The following MORN4 variants were observed in gnomAD, a reference collection of about 807,000 sequenced individuals.
MORN4 encodes the protein MORN repeat-containing protein 4.
In MORN4, 8 loss-of-function variants were observed where a neutral mutation model predicts 16.4. The ratio of observed to expected loss-of-function variants is 0.49; its 90% confidence interval spans 0.29 to 0.88. MORN4 has a LOEUF of 0.88. Ranked by LOEUF, MORN4 falls within the 40% of genes least tolerant of loss-of-function variation. MORN4 has a pLI of 0.09. For missense variants in MORN4, 159 were observed against 182.9 expected (o/e 0.87, Z 0.75); for synonymous variants, 53 against 68.9 (o/e 0.77, Z 1.14).
At chr10:97,624,368 G>A (rs1046425362) in intron 1 of MORN4, among the ~76,000 whole-genome samples, 4 of 152,090 alleles carry the variant, frequency 2.6e-5, no homozygotes, top group Admixed American at 6.6e-5. Context: ...CTTTATAACA[G>A]AAGCTAACAT....
Position 97,615,205 on chromosome 10 carries a change from T to C in MORN4, c.*1058A>G, listed in dbSNP as rs1037988252. 6.6e-6 allele frequency: 1 copy of C among 152,532 alleles called. No individual in the cohort carries two copies. The highest frequency in any genetic ancestry group is 1.5e-5 in the Non-Finnish European group (1 of 68,042). The allele number at this position is 152,532 out of a possible 1,614,324, so 9.4% of individuals were successfully genotyped here. A position where few individuals can be genotyped will look rare whatever the true frequency, so the allele number is the denominator to read the frequency against. ...TCTTACCGAATCCTTCACGGGGACA[T>C]AGGCAGGAATGAATACCAGTCTGAT... is the stretch of plus-strand genomic sequence containing the variant. On this transcript the variant is annotated 3_prime_UTR_variant, in exon 5 of 5. Transcript: ENST00000307450.
intron 1 of MORN4, among the ~76,000 whole-genome samples, chr10:97,623,979 G>A (rs1156896316): frequency 1.3e-5 from 2 of 151,800 alleles, no homozygotes; most frequent in Admixed American, 6.6e-5. Flanking sequence ...CTCGTGATCC[G>A]CCCGCCTTGG....
At chr10:97,623,832 T>C (rs1589921093) in intron 1 of MORN4, among the ~76,000 whole-genome samples, 1 of 150,996 alleles carries the variant, frequency 6.6e-6, no homozygotes, top group Non-Finnish European at 1.5e-5. Flanking sequence ...GCCTCCCGGG[T>C]TCATGCCATT....
intron 1 of MORN4, among the ~76,000 whole-genome samples, chr10:97,632,212 CTTTTTTTTTTTTTT>C (rs1162979185): frequency 2.3e-5 from 2 of 86,976 alleles, no homozygotes; most frequent in South Asian, 4.1e-4. Flanking sequence ...TAATACTCCC[CTTTTTTTTTTTTTT>C]TTTTTTTTTT....
Position 97,620,503 on chromosome 10 carries a change from A to G in MORN4, c.-30-820T>C, listed in dbSNP as rs536304729. 3.6e-3 allele frequency among the ~76,000 whole-genome samples: 391 copies of G among 108,156 alleles called. 3 individuals are homozygous for G. Among genetic ancestry groups the G allele is most frequent in the African/African-American group, 0.012 (365 of 29,704 alleles). The allele number at this position is 108,156 out of a possible 152,430, so 71.0% of individuals were successfully genotyped here. A position where few individuals can be genotyped will look rare whatever the true frequency, so the allele number is the denominator to read the frequency against. On this transcript the variant is annotated intron_variant, in intron 1 of 4. Transcript: ENST00000307450. ...GACTCTGTCTCAAAAAAAAAAAAAAAAAAAGAAAAAAAAAAGAAAATATGG... is the reference window on the plus strand; with the variant it reads ...GACTCTGTCTCAAAAAAAAAAAAAAGAAAAGAAAAAAAAAAGAAAATATGG...
intron 1 of MORN4, among the ~76,000 whole-genome samples, chr10:97,629,613 G>A (rs2041377446): frequency 6.6e-6 from 1 of 152,140 alleles, no homozygotes; most frequent in South Asian, 2.1e-4. Context: ...CATCAGTGAA[G>A]GAGCCTTCAG....
chr10:97,633,237 C>T lies in MORN4; in HGVS notation c.-31+110G>A, dbSNP rs924316594. 1 of 1,195,778 alleles carries T rather than the reference C, an allele frequency of 8.4e-7. No individual in the cohort carries two copies. Among genetic ancestry groups the T allele is most frequent in the South Asian group, 1.4e-5 (1 of 70,820 alleles). 74.1% of individuals were successfully genotyped at this position (1,195,778 alleles called of 1,614,324 possible). A position where few individuals can be genotyped will look rare whatever the true frequency, so the allele number is the denominator to read the frequency against. On this transcript the variant is annotated intron_variant, in intron 1 of 4. Coordinates refer to ENST00000307450, the MANE Select transcript of MORN4 (RefSeq NM_178832.4). This position sits in a 1 kb window ranked among gnomAD's most constrained non-coding sequence, Gnocchi z 4.5. Reference sequence around the variant, plus strand: ...GCAACCGCCCTCAGGTCAGCGTATCCGAGGTGGAGCCGCGCCCCCGAGCCG... The same window carrying T: ...GCAACCGCCCTCAGGTCAGCGTATCTGAGGTGGAGCCGCGCCCCCGAGCCG...
At chr10:97,618,435 T>C (rs192240738) in intron 2 of MORN4, among the ~76,000 whole-genome samples, 3 of 152,122 alleles carry the variant, frequency 2.0e-5, no homozygotes, top group Admixed American at 1.3e-4. Context: ...CATGAGCCAC[T>C]GTGCCTGCCC....
chr10:97,617,110 G>A, intron 3 of MORN4, 98 bp downstream of exon 3: 6 of 925,118 alleles, frequency 6.5e-6, no homozygotes, highest in Non-Finnish European at 1.1e-5. Flanking sequence ...TGCAGGGAGT[G>A]AGACAAGGTC....
rs1288797083 is a variant in MORN4, at chr10:97,633,166, A to G, written c.-31+181T>C. Among the ~76,000 whole-genome samples, 1 of 151,182 alleles carries G rather than the reference A, an allele frequency of 6.6e-6. No individual in the cohort carries two copies. The highest frequency in any genetic ancestry group is 6.6e-5 in the Admixed American group (1 of 15,130). On this transcript the variant is annotated intron_variant, in intron 1 of 4. Coordinates refer to ENST00000307450, the MANE Select transcript of MORN4 (RefSeq NM_178832.4). The surrounding 1 kb of genome is among the most constrained non-coding windows in gnomAD (Gnocchi z 4.5). Reference sequence around the variant, plus strand: ...GTCCAGTCAGCTCTCCCGGGCCTCGACCCCCGCGGTGGAGACTAAAGGGTT... The same window carrying G: ...GTCCAGTCAGCTCTCCCGGGCCTCGGCCCCCGCGGTGGAGACTAAAGGGTT...
intron 1 of MORN4, among the ~76,000 whole-genome samples, chr10:97,621,665 A>AC (rs2041294846): frequency 6.6e-6 from 1 of 152,154 alleles, no homozygotes; most frequent in Non-Finnish European, 1.5e-5. Context: ...GATCACCTGA[A>AC]CCAGAATGGC....
chr10:97,621,773 A>C (rs2041295810), intron 1 of MORN4, among the ~76,000 whole-genome samples: 1 of 123,996 alleles, frequency 8.1e-6, no homozygotes, highest in African/African-American at 2.9e-5. Context: ...ACTGATGCAG[A>C]AGAACTGCTT....
In MORN4 at chr10:97,617,203, C is replaced by T. The variant is rs2041243228; in HGVS notation, c.182+5G>A. On this transcript the variant is annotated splice_donor_5th_base_variant and intron_variant, in intron 3 of 4. Transcript: ENST00000307450. ...AGGCTAAGAAAGGAATGACCTCATA[C>T]CCACCTTGAACCATCTGAGAAGGTC... The T allele has an allele frequency of 4.4e-6, 7 of 1,608,994 alleles. No individual in the cohort carries two copies. Among genetic ancestry groups the T allele is most frequent in the African/African-American group, 1.3e-5 (1 of 74,816 alleles).
rs912431177 is a variant in MORN4 at position 97,616,473 on chromosome 10, A to G, written c.293-62T>C. On this transcript the variant is annotated intron_variant, in intron 4 of 4. Transcript: ENST00000307450. The stretch of plus-strand genomic sequence containing the variant: ...GGCATTAATGTCTCAAAGATGAGAC[A>G]TATCTTTGGCCTTGATATGTCCAGG... 5 of 1,526,728 alleles carry G rather than the reference A, an allele frequency of 3.3e-6. No individual in the cohort carries two copies. The Admixed American group carries it at 9.8e-5, about 30-fold the overall frequency. The allele number at this position is 1,526,728 out of a possible 1,614,324, so 94.6% of individuals were successfully genotyped here.
At position 97,619,381 on chromosome 10, in the gene MORN4, A is replaced by T. The variant is rs893933394; in HGVS notation, c.67+206T>A. ...CAGAAGCAAAAAAAAGAAAGATATA[A>T]CTCATTCCTGGAGGTTGAATTAACA... On this transcript the variant is annotated intron_variant, in intron 2 of 4. Coordinates refer to ENST00000307450, the MANE Select transcript of MORN4 (RefSeq NM_178832.4). The T allele has an allele frequency of 5.0e-6, 3 of 596,548 alleles. No homozygotes were observed. The African/African-American group carries it at 5.6e-5, about 11-fold the overall frequency. The allele number at this position is 596,548 out of a possible 1,614,324, so 37.0% of individuals were successfully genotyped here.
chr10:97,616,769 G>A lies in MORN4; in HGVS notation c.201C>T (p.Ala67=). 1 of 1,613,758 alleles carries A rather than the reference G, an allele frequency of 6.2e-7. No individual in the cohort carries two copies. The highest frequency in any genetic ancestry group is 8.5e-7 in the Non-Finnish European group (1 of 1,179,702). Reference sequence around the variant, plus strand: ...CTCCGACGCCATTAAACTTGCCCTGGGCAAACTCCCCCTCATACCTGCAGA... The same window carrying A: ...CTCCGACGCCATTAAACTTGCCCTGAGCAAACTCCCCCTCATACCTGCAGA... ...SDGSRYEGEF[A]QGKFNGVGVF... is the part of the protein sequence containing the mutation. The change falls in exon 4 of 5, where the codon GCC becomes GCT. Residue 67 remains alanine (A), a synonymous_variant. Coordinates refer to ENST00000307450, the MANE Select transcript of MORN4 (RefSeq NM_178832.4).
At chr10:97,620,771 A>G (rs2041283766) in intron 1 of MORN4, among the ~76,000 whole-genome samples, 1 of 151,944 alleles carries the variant, frequency 6.6e-6, no homozygotes, top group Non-Finnish European at 1.5e-5. Context: ...TGAGCCCAGG[A>G]GTTCAAGACC....
chr10:97,616,622 AT>A, intron 4 of MORN4, 55 bp downstream of exon 4: 1 of 1,425,372 alleles, frequency 7.0e-7, no homozygotes, highest in East Asian at 2.3e-5. Context: ...AAACAGGTAT[AT>A]TTCCACCCAT....
chr10:97,624,804 C>T (rs998474458), intron 1 of MORN4, among the ~76,000 whole-genome samples: 15 of 152,190 alleles, frequency 9.9e-5, no homozygotes, highest in Admixed American at 5.2e-4. Context: ...CTCCAACCTC[C>T]GCCTCAGCCT....
Sources: allele counts gnomAD v4.1 joint callset (sites outside exome capture counted in the v4.1 genomes callset), GRCh38; gene constraint gnomAD v4.1.1; non-coding constraint Gnocchi (gnomAD v3.1); transcripts MANE v1.5; gene names NCBI Gene and HGNC (gene_info 2026-07-23, HGNC 2026-07-21).